Variants in ERC1 observed in about 807,000 individuals in gnomAD.
ERC1 encodes the protein RAB6 interacting protein 2.
ERC1 carries 56 observed loss-of-function variants against 132.0 expected under a neutral mutation model. That is an observed-to-expected ratio of 0.42 (90% CI 0.34 to 0.53). The LOEUF (loss-of-function observed/expected upper bound fraction) is 0.53. Among genes scored for constraint, ERC1 ranks in the 20% least tolerant of loss-of-function variants. The probability of loss-of-function intolerance (pLI) is 0.03; values close to 1 mark genes in which losing one functional copy is unlikely to be tolerated. For missense variants in ERC1, 1,202 were observed against 1,349.9 expected (o/e 0.89, Z 1.72); for synonymous variants, 478 against 476.1 (o/e 1.00, Z -0.05).
At chr12:1,295,716 T>C (rs181583821) in intron 15 of ERC1, among the ~76,000 whole-genome samples, 136 of 151,844 alleles carry the variant, frequency 9.0e-4, no homozygotes, top group Admixed American at 6.6e-4. Context: ...ATTTGGACAA[T>C]GAGTCTCACC....
rs190016724 is a variant in ERC1 at position 1,358,535 on chromosome 12, A to T, written c.2781-13298A>T. Among the ~76,000 whole-genome samples, 6 of 152,314 alleles carry T rather than the reference A, an allele frequency of 3.9e-5. No individual in the cohort carries two copies. In the East Asian group the frequency reaches 1.2e-3, roughly 29 times the overall value. ...TTTAAATCAGCTCGTCTTCCTCTAA[A>T]ACAGTGGATCTCAAGTATAGATGTC... On this transcript the variant is annotated intron_variant, in intron 15 of 18. Coordinates refer to ENST00000360905, the MANE Select transcript of ERC1 (RefSeq NM_178040.4).
intron 1 of ERC1, among the ~76,000 whole-genome samples, chr12:1,006,934 T>C (rs1963726733): frequency 6.7e-6 from 1 of 150,242 alleles, no homozygotes; most frequent in African/African-American, 2.4e-5. Context: ...TAATATACAA[T>C]ATATATGTGT....
At position 1,289,918 on chromosome 12, in the gene ERC1, T is replaced by C. The variant is rs1447369915; in HGVS notation, c.2686T>C (p.Ser896Pro). ...QELESMKAKL[S>P]STQQSLAEKE... ...ACTAGAATCCATGAAAGCAAAGCTGTCCTCCACCCAGCAGTCTCTGGCAGA... is the reference window on the plus strand; with the variant it reads ...ACTAGAATCCATGAAAGCAAAGCTGCCCTCCACCCAGCAGTCTCTGGCAGA... Residue 896 changes from serine to proline, a missense_variant, in exon 15 of 19, where the codon TCC becomes CCC. By Grantham distance (74) the Ser-to-Pro change is moderately conservative (BLOSUM62 -1). Coordinates refer to ENST00000360905, the MANE Select transcript of ERC1 (RefSeq NM_178040.4). The C allele has an allele frequency of 1.9e-6, 3 of 1,613,802 alleles. No homozygotes were observed. Among genetic ancestry groups the C allele is most frequent in the Non-Finnish European group, 2.5e-6 (3 of 1,179,824 alleles).
chr12:1,278,853 AG>A (rs2078460904), intron 14 of ERC1, among the ~76,000 whole-genome samples: 1 of 152,236 alleles, frequency 6.6e-6, no homozygotes, highest in South Asian at 2.1e-4. Flanking sequence ...GGGAAAAGGC[AG>A]CAACATGAAC....
intron 7 of ERC1, among the ~76,000 whole-genome samples, chr12:1,132,702 C>T (rs959164669): frequency 2.9e-4 from 27 of 93,422 alleles, no homozygotes; most frequent in Admixed American, 8.5e-4. Context: ...ATCCATGTCC[C>T]GCAGATGGAA....
At position 1,490,942 on chromosome 12, in the gene ERC1, G is replaced by A; in HGVS notation, c.*712G>A. The stretch of plus-strand genomic sequence containing the variant: ...GCCAGTTAACAAGAAGATGGTGTGA[G>A]GTGTTCTCCACCAGTCTCTCCTGTT... On this transcript the variant is annotated 3_prime_UTR_variant, in exon 19 of 19. Coordinates refer to ENST00000360905, the MANE Select transcript of ERC1 (RefSeq NM_178040.4). The A allele has an allele frequency of 4.3e-6, 1 of 232,794 alleles. No homozygotes were observed. The highest frequency in any genetic ancestry group is 8.5e-6 in the Non-Finnish European group (1 of 117,794). 14.4% of individuals were successfully genotyped at this position (232,794 alleles called of 1,614,324 possible).
At chr12:991,913 A>T (rs1357894622) in intron 1 of ERC1, 1 of 151,292 alleles carries the variant, frequency 6.6e-6, no homozygotes, top group Admixed American at 6.6e-5. Context: ...AGGCAGTTGC[A>T]GAACCTATTT....
intron 15 of ERC1, among the ~76,000 whole-genome samples, chr12:1,315,410 G>T (rs1212799792): frequency 2.0e-5 from 3 of 151,246 alleles, no homozygotes; most frequent in Non-Finnish European, 4.4e-5. Context: ...GAGTGCAGTG[G>T]TGTGATCTTG....
intron 1 of ERC1, among the ~76,000 whole-genome samples, chr12:1,010,508 T>C (rs1373905361): frequency 3.1e-4 from 36 of 114,382 alleles, no homozygotes; most frequent in Non-Finnish European, 5.3e-4. Context: ...AAAGGAAATA[T>C]GATTTTTTTT....
At chr12:1,438,952 A>ATATATATATATATATATATATAT (rs1555093159) in intron 17 of ERC1, among the ~76,000 whole-genome samples, 16 of 114,990 alleles carry the variant, frequency 1.4e-4, no homozygotes, top group African/African-American at 6.6e-4. Context: ...AATTTAAAAA[A>ATATATATATATATATATATATAT]AAATATATAT....
chr12:1,344,087 C>T (rs189484034), intron 15 of ERC1, among the ~76,000 whole-genome samples: 2 of 152,302 alleles, frequency 1.3e-5, no homozygotes, highest in East Asian at 3.9e-4. Flanking sequence ...GTGATCCCCC[C>T]ACTTCGGCCT....
intron 1 of ERC1, among the ~76,000 whole-genome samples, chr12:1,016,635 C>CTTTTTTTTTTT (rs397967271): frequency 2.3e-3 from 298 of 127,880 alleles, no homozygotes; most frequent in Middle Eastern, 4.5e-3. Context: ...CTTTTCTTTT[C>CTTTTTTTTTTT]TTTTTTTTTT....
chr12:1,208,681 C>G (rs891207515), intron 12 of ERC1, among the ~76,000 whole-genome samples: 13 of 152,064 alleles, frequency 8.5e-5, no homozygotes, highest in African/African-American at 2.9e-4. Context: ...CAGCTGTTGG[C>G]GTGTTCCAGT....
chr12:1,306,700 A>AAG (rs1201258984), intron 15 of ERC1, among the ~76,000 whole-genome samples: 5 of 152,108 alleles, frequency 3.3e-5, no homozygotes, highest in African/African-American at 1.2e-4. Flanking sequence ...CCAATTGTAG[A>AAG]AGAGGCCTAA....
chr12:1,488,505 T>C (rs1024706333), intron 18 of ERC1, among the ~76,000 whole-genome samples: 12 of 152,052 alleles, frequency 7.9e-5, no homozygotes, highest in African/African-American at 2.9e-4. Flanking sequence ...GCGTAGGCAA[T>C]ATAGACTCCC....
chr12:1,345,280 A>C (rs1378100494), intron 15 of ERC1, among the ~76,000 whole-genome samples: 1 of 148,348 alleles, frequency 6.7e-6, no homozygotes, highest in East Asian at 1.9e-4. Context: ...TCCTGGGTTC[A>C]CGCCATTCTC....
chr12:1,371,153 C>T (rs192217491), intron 15 of ERC1, among the ~76,000 whole-genome samples: 35 of 152,196 alleles, frequency 2.3e-4, no homozygotes, highest in Admixed American at 1.6e-3. Context: ...ACTCATCTTA[C>T]GTAACTTAGG....
intron 1 of ERC1, among the ~76,000 whole-genome samples, chr12:1,025,996 G>A (rs191225260): frequency 6.6e-5 from 10 of 152,028 alleles, no homozygotes; most frequent in African/African-American, 1.7e-4. Flanking sequence ...GGGTTTTGCC[G>A]TGTTGGTCAG....
intron 8 of ERC1, among the ~76,000 whole-genome samples, chr12:1,179,830 G>T (rs553847498): frequency 2.0e-4 from 30 of 150,512 alleles, no homozygotes; most frequent in African/African-American, 6.3e-4. Context: ...TATCCATAGT[G>T]TCTGGCATGT....
Sources: allele counts gnomAD v4.1 joint callset (sites outside exome capture counted in the v4.1 genomes callset), GRCh38; gene constraint gnomAD v4.1.1; transcripts MANE v1.5; gene names NCBI Gene and HGNC (gene_info 2026-07-23, HGNC 2026-07-21).